MAGI2: variants seen among roughly 807,000 people sequenced by gnomAD.
MAGI2 encodes the protein membrane-associated guanylate kinase, WW and PDZ domain-containing protein 2.
MAGI2 carries 35 observed loss-of-function variants against 133.3 expected under a neutral mutation model. The observed-to-expected ratio is 0.26, with a 90% CI of 0.20 to 0.35. The LOEUF (loss-of-function observed/expected upper bound fraction) is 0.35. Among genes scored for constraint, MAGI2 ranks in the 10% least tolerant of loss-of-function variants. MAGI2 has a pLI of 1.00. For synonymous variants in MAGI2, 729 were observed against 710.6 expected (o/e 1.03, Z -0.41); for missense variants, 1,636 against 1,863.4 (o/e 0.88, Z 2.25).
chr7:78,532,307 A>G (rs897191505), intron 3 of MAGI2, among the ~76,000 whole-genome samples: 2 of 152,238 alleles, frequency 1.3e-5, no homozygotes, highest in Admixed American at 6.5e-5. Context: ...AAAGTCAACA[A>G]TTTCACTTAC....
intron 11 of MAGI2, 137 bp downstream of exon 11, chr7:78,201,025 C>T: frequency 1.7e-6 from 1 of 595,446 alleles, no homozygotes; most frequent in Non-Finnish European, 2.9e-6. Context: ...GACAAAAGGA[C>T]ACAGAGGATT....
At chr7:78,209,063 A>G (rs1298667962) in intron 10 of MAGI2, among the ~76,000 whole-genome samples, 1 of 143,336 alleles carries the variant, frequency 7.0e-6, no homozygotes, top group African/African-American at 2.5e-5. Context: ...TCTACTAAAA[A>G]TACAAAAAAT....
At chr7:79,277,105 A>T (rs186771289) in intron 1 of MAGI2, among the ~76,000 whole-genome samples, 3 of 152,286 alleles carry the variant, frequency 2.0e-5, no homozygotes, top group Non-Finnish European at 4.4e-5. Context: ...GCTACAGAGA[A>T]ATCTGTCAGG....
At chr7:78,110,468 G>A (rs1293336474) in intron 20 of MAGI2, among the ~76,000 whole-genome samples, 1 of 152,194 alleles carries the variant, frequency 6.6e-6, no homozygotes, top group Non-Finnish European at 1.5e-5. Flanking sequence ...ATAGGCAGTT[G>A]GAAATTCAGG....
chr7:78,820,140 T>A (rs921899965), intron 2 of MAGI2, among the ~76,000 whole-genome samples: 3 of 151,916 alleles, frequency 2.0e-5, no homozygotes, highest in Non-Finnish European at 4.4e-5. Context: ...AACAGTAACA[T>A]CACTGAATAT....
At chr7:78,769,116 A>C (rs1240178649) in intron 2 of MAGI2, among the ~76,000 whole-genome samples, 1 of 152,204 alleles carries the variant, frequency 6.6e-6, no homozygotes, top group Admixed American at 6.5e-5. Context: ...AGTACAGGAC[A>C]GTAGTACATT....
Position 78,893,335 on chromosome 7 carries a change from A to T in MAGI2, c.418+113755T>A, listed in dbSNP as rs543975936. ...AAGTTGGTGTGGGAATTCCTCAGGG[A>T]TCTAGAATTAGAAATACCATTTGAC... On this transcript the variant is annotated intron_variant, in intron 2 of 21. Coordinates refer to ENST00000354212, the MANE Select transcript of MAGI2 (RefSeq NM_012301.4). Among the ~76,000 whole-genome samples, 14 of 152,354 alleles carry T rather than the reference A, an allele frequency of 9.2e-5. No homozygotes were observed. In the South Asian group the frequency reaches 2.1e-3, roughly 23 times the overall value.
chr7:78,826,978 AG>A (rs1312847873), intron 2 of MAGI2, among the ~76,000 whole-genome samples: 1 of 152,160 alleles, frequency 6.6e-6, no homozygotes, highest in Non-Finnish European at 1.5e-5. Flanking sequence ...CAAGGAGAGG[AG>A]GCTAGAGTAA....
chr7:78,524,853 G>A (rs1796817187), intron 3 of MAGI2, among the ~76,000 whole-genome samples: 1 of 152,034 alleles, frequency 6.6e-6, no homozygotes, highest in African/African-American at 2.4e-5. Flanking sequence ...AATAATCTAT[G>A]CATATCTCAA....
intron 9 of MAGI2, among the ~76,000 whole-genome samples, chr7:78,286,933 TGA>T (rs1388894508): frequency 6.6e-6 from 1 of 152,142 alleles, no homozygotes; most frequent in African/African-American, 2.4e-5. Flanking sequence ...AAAGGACAGC[TGA>T]GAGAGTGAAT....
chr7:78,698,689 T>A (rs906516886), intron 2 of MAGI2, among the ~76,000 whole-genome samples: 6 of 152,194 alleles, frequency 3.9e-5, no homozygotes, highest in African/African-American at 4.8e-5. Flanking sequence ...TCAGCATGGC[T>A]TGGGAGGCCT....
chr7:78,122,166 G>A (rs1205260717), intron 20 of MAGI2, among the ~76,000 whole-genome samples: 2 of 152,202 alleles, frequency 1.3e-5, no homozygotes, highest in African/African-American at 4.8e-5. Flanking sequence ...AATCATGGGA[G>A]CTTGGTAATG....
chr7:79,387,170 T>C (rs937616183), intron 1 of MAGI2, among the ~76,000 whole-genome samples: 1 of 151,586 alleles, frequency 6.6e-6, no homozygotes, highest in Admixed American at 6.6e-5. Context: ...AATTCAGCTC[T>C]CAGCTGTTTG....
At chr7:79,003,313 G>C (rs1349114184) in intron 2 of MAGI2, among the ~76,000 whole-genome samples, 1 of 152,162 alleles carries the variant, frequency 6.6e-6, no homozygotes, top group Non-Finnish European at 1.5e-5. Flanking sequence ...TGGTGGTAGA[G>C]TAATGTAGTG....
At chr7:78,797,989 G>T (rs550642074) in intron 2 of MAGI2, among the ~76,000 whole-genome samples, 1 of 152,226 alleles carries the variant, frequency 6.6e-6, no homozygotes, top group African/African-American at 2.4e-5. Flanking sequence ...TCACACAATG[G>T]CACAAAATAC....
intron 3 of MAGI2, among the ~76,000 whole-genome samples, chr7:78,613,593 T>C (rs1455001924): frequency 6.6e-6 from 1 of 152,154 alleles, no homozygotes; most frequent in African/African-American, 2.4e-5. Context: ...ATAATGTCAA[T>C]GAGCTTTTGG....
intron 7 of MAGI2, among the ~76,000 whole-genome samples, chr7:78,363,154 G>A (rs952898839): frequency 6.6e-6 from 1 of 152,132 alleles, no homozygotes; most frequent in Admixed American, 6.5e-5. Context: ...ATGACTGAAG[G>A]CTCAACGCCT....
At position 79,453,626 on chromosome 7, in the gene MAGI2, C is replaced by T; in HGVS notation, c.-306G>A. On this transcript the variant is annotated 5_prime_UTR_variant, in exon 1 of 22. Transcript: ENST00000354212. ...GTGGTGGCGTCGGCGGCGGCGGCGG[C>T]GGCAGCCGGAGCGAGCAGTAGCCGA... The T allele has an allele frequency of 3.6e-6, 3 of 842,904 alleles. No homozygotes were observed. The highest frequency in any genetic ancestry group is 4.2e-6 in the Non-Finnish European group (3 of 707,404). 52.2% of individuals were successfully genotyped at this position (842,904 alleles called of 1,614,324 possible). A position where few individuals can be genotyped will look rare whatever the true frequency, so the allele number is the denominator to read the frequency against.
At position 78,019,525 on chromosome 7, in the gene MAGI2, C is replaced by G. The variant is rs1169130218; in HGVS notation, c.4158G>C (p.Ala1386=). ...CGCCGCCCGGGCCGGCAAACGCCGG[C>G]GCAGCCCCCGGGCCTTCGCGCCGGC... ...ELCRREGPGA[A]PAFAGPGGGG... Residue 1386 remains alanine, a synonymous_variant, in exon 22 of 22, where the codon GCG becomes GCC. Transcript: ENST00000354212. 1.7e-5 allele frequency: 17 copies of G among 980,394 alleles called. No homozygotes were observed. The highest frequency in any genetic ancestry group is 1.9e-5 in the Non-Finnish European group (16 of 828,294). The allele number at this position is 980,394 out of a possible 1,614,324, so 60.7% of individuals were successfully genotyped here.
Sources: gnomAD v4.1 joint callset for allele counts (sites outside exome capture counted in the v4.1 genomes callset) on GRCh38, gnomAD v4.1.1 for gene constraint, MANE v1.5 for transcripts, NCBI Gene and HGNC (gene_info 2026-07-23, HGNC 2026-07-21) for gene names.